ADAMTS20: variants seen among roughly 807,000 people sequenced by gnomAD.
ADAMTS20 encodes ADAM metallopeptidase with thrombospondin type 1 motif 20, also known as A disintegrin and metalloproteinase with thrombospondin motifs 20.
Under a neutral mutation model 260.1 loss-of-function variants are expected in ADAMTS20, and 225 were observed. The observed-to-expected ratio is 0.87, with a 90% confidence interval of 0.78 to 0.97. The LOEUF (loss-of-function observed/expected upper bound fraction) is 0.97. Among genes scored for constraint, ADAMTS20 ranks in the 50% least tolerant of loss-of-function variants. The probability of loss-of-function intolerance (pLI) is 0.00; values close to 1 mark genes in which losing one functional copy is unlikely to be tolerated. For missense variants in ADAMTS20, 2,400 were observed against 2,337.7 expected, an observed-to-expected ratio of 1.03 and a Z score of -0.55; for synonymous variants, 802 against 769.5, an observed-to-expected ratio of 1.04 and a Z score of -0.70.
chr12:43,449,445 G>A (rs369429225), intron 14 of ADAMTS20, among the ~76,000 whole-genome samples: 1 of 152,102 alleles, frequency 6.6e-6, no homozygotes, highest in East Asian at 1.9e-4. Context: ...GAGAACATAT[G>A]GGCACAAAGA....
At chr12:43,430,511 C>A in intron 22 of ADAMTS20, 40 bp from the exon 23 acceptor site, 2 of 1,569,568 alleles carry the variant, frequency 1.3e-6, no homozygotes, top group Non-Finnish European at 1.7e-6. Context: ...CATTGTTTCC[C>A]AAAAGTTACA....
intron 3 of ADAMTS20, among the ~76,000 whole-genome samples, chr12:43,517,004 A>G (rs1034904866): frequency 6.6e-6 from 1 of 152,094 alleles, no homozygotes; most frequent in African/African-American, 2.4e-5. Context: ...AAAGCTGGAT[A>G]AAATTCAACA....
rs781498457 is a variant in ADAMTS20, at chr12:43,425,678, A to G, written c.4120T>C (p.Cys1374Arg). 7 of 1,593,456 alleles carry G rather than the reference A, an allele frequency of 4.4e-6. No homozygotes were observed. The South Asian group carries it at 5.6e-5, about 13-fold the overall frequency. Residue 1374 changes from cysteine to arginine, a missense_variant, in exon 28 of 39, where the codon TGT becomes CGT. Transcript: ENST00000389420. The stretch of plus-strand genomic sequence containing the variant: ...AGTCTTGATTTTATTCCTCCTCCAC[A>G]TGTTTGTGAACACTAAAAACAAGAA... ...YGNWGECSQT[C>R]GGGIKSRLVI...
At chr12:43,364,254 G>A (rs1410057747) in intron 37 of ADAMTS20, among the ~76,000 whole-genome samples, 1 of 152,134 alleles carries the variant, frequency 6.6e-6, no homozygotes, top group African/African-American at 2.4e-5. Flanking sequence ...AAGGGAGGGT[G>A]AAATCAGTAA....
At chr12:43,394,623 A>G (rs1311144421) in intron 29 of ADAMTS20, among the ~76,000 whole-genome samples, 1 of 152,166 alleles carries the variant, frequency 6.6e-6, no homozygotes, top group East Asian at 1.9e-4. Context: ...TATTGACTAC[A>G]CTATTACATG....
In ADAMTS20 at chr12:43,362,527, T is replaced by C. The variant is rs117262005; in HGVS notation, c.5539-5939A>G. ...TTGCCTGCCTTTAAAAATACAATCA[T>C]GTGAGGAAACACTTCTAGAATGGTG... On this transcript the variant is annotated intron_variant, in intron 37 of 38. Transcript: ENST00000389420. 6.7e-3 allele frequency among the ~76,000 whole-genome samples: 1,026 copies of C among 152,234 alleles called. 5 individuals are homozygous for C. Among genetic ancestry groups the C allele is most frequent in the Non-Finnish European group, 0.012 (796 of 68,002 alleles).
Position 43,431,494 on chromosome 12 carries a change from G to A in ADAMTS20, c.3099C>T (p.Cys1033=), listed in dbSNP as rs766363508. The change falls in exon 22 of 39, where the codon TGC becomes TGT. Residue 1033 remains cysteine (C), a splice_region_variant and synonymous_variant. Transcript: ENST00000389420. ...PSWAASEWSE[C]LVTCGKGTKQ... ...TTGTTCCTTTACCACATGTAACAAG[G>A]CACTGTAAGAATAAAACTGATCATT... 13 of 1,613,804 alleles carry A rather than the reference G, an allele frequency of 8.1e-6. No homozygotes were observed. In the South Asian group the frequency reaches 1.3e-4, roughly 16 times the overall value.
chr12:43,452,605 A>T lies in ADAMTS20; in HGVS notation c.1851T>A (p.Phe617Leu), dbSNP rs1411962292. Residue 617 changes from phenylalanine (F) to leucine (L), a missense_variant, in exon 13 of 39, where the codon TTT becomes TTA. Transcript: ENST00000389420. ...TDSCPKGTQDFREKQCSDFNG... is the reference protein window; with the variant it reads ...TDSCPKGTQDLREKQCSDFNG... ...TAAAATCAGAGCACTGCTTCTCTCGAAAGTCTTGTGTGCCTTTTGGACATG... is the reference window on the plus strand; with the variant it reads ...TAAAATCAGAGCACTGCTTCTCTCGTAAGTCTTGTGTGCCTTTTGGACATG... The T allele has an allele frequency of 1.2e-6, 2 of 1,613,394 alleles. No individual in the cohort carries two copies. Among genetic ancestry groups the T allele is most frequent in the African/African-American group, 1.3e-5 (1 of 74,934 alleles).
chr12:43,365,818 T>C (rs1377693808), intron 37 of ADAMTS20, among the ~76,000 whole-genome samples: 1 of 151,942 alleles, frequency 6.6e-6, no homozygotes, highest in Non-Finnish European at 1.5e-5. Flanking sequence ...GAATGTTCAA[T>C]AGTAAAATGT....
chr12:43,399,475 T>C (rs1297876281), intron 28 of ADAMTS20, among the ~76,000 whole-genome samples: 2 of 152,176 alleles, frequency 1.3e-5, no homozygotes. Flanking sequence ...AAAAATGTAT[T>C]GATTGTCTAC....
intron 38 of ADAMTS20, among the ~76,000 whole-genome samples, chr12:43,355,638 G>A (rs1278919451): frequency 6.6e-6 from 1 of 151,828 alleles, no homozygotes; most frequent in African/African-American, 2.4e-5. Flanking sequence ...AGAGTATACC[G>A]GGGCTGTTGC....
intron 37 of ADAMTS20, among the ~76,000 whole-genome samples, chr12:43,365,304 C>A (rs1309373624): frequency 6.6e-6 from 1 of 151,936 alleles, no homozygotes; most frequent in Admixed American, 6.6e-5. Context: ...TAATACAAAT[C>A]AACTTAAAAA....
intron 10 of ADAMTS20, 55 bp downstream of exon 10, chr12:43,464,536 C>G: frequency 6.4e-7 from 1 of 1,569,694 alleles, no homozygotes; most frequent in Non-Finnish European, 8.7e-7. Context: ...GAAATATATT[C>G]TAAGATAACT....
chr12:43,458,934 A>G (rs1942012631), intron 11 of ADAMTS20, among the ~76,000 whole-genome samples: 1 of 152,202 alleles, frequency 6.6e-6, no homozygotes, highest in Non-Finnish European at 1.5e-5. Flanking sequence ...AGAGCTCACT[A>G]AAATGCTAAT....
intron 7 of ADAMTS20, among the ~76,000 whole-genome samples, chr12:43,483,251 C>A (rs1388441543): frequency 6.6e-6 from 1 of 152,090 alleles, no homozygotes; most frequent in Admixed American, 6.5e-5. Flanking sequence ...GCAAGATTCA[C>A]GGTAGCCTGG....
chr12:43,527,975 A>G (rs1366137896), intron 3 of ADAMTS20, among the ~76,000 whole-genome samples: 1 of 152,138 alleles, frequency 6.6e-6, no homozygotes, highest in Non-Finnish European at 1.5e-5. Flanking sequence ...GATTTAATAA[A>G]CAAATTCAGT....
intron 3 of ADAMTS20, among the ~76,000 whole-genome samples, chr12:43,525,945 T>G (rs758396899): frequency 4.6e-5 from 7 of 152,008 alleles, no homozygotes; most frequent in Non-Finnish European, 8.8e-5. Flanking sequence ...AATTCAATAC[T>G]CCACTGACAG....
Position 43,376,108 on chromosome 12 carries a change from T to C in ADAMTS20, c.5261A>G (p.Tyr1754Cys). ...TTCTTCACCTTGGACCAGTGTTAAATATTCCTTAGGGTTCTCCAAGTACAT... is the reference window on the plus strand; with the variant it reads ...TTCTTCACCTTGGACCAGTGTTAAACATTCCTTAGGGTTCTCCAAGTACAT... ...ADMYLENPKE[Y>C]LTLVQGEENF... Residue 1754 changes from tyrosine (Y) to cysteine (C), a missense_variant, in exon 35 of 39, where the codon TAT becomes TGT. Transcript: ENST00000389420. 1 of 1,610,846 alleles carries C rather than the reference T, an allele frequency of 6.2e-7. No homozygotes were observed. Among genetic ancestry groups the C allele is most frequent in the East Asian group, 2.2e-5 (1 of 44,782 alleles).
chr12:43,378,426 C>G (rs1187232755), intron 31 of ADAMTS20, among the ~76,000 whole-genome samples: 6 of 152,186 alleles, frequency 3.9e-5, no homozygotes, highest in South Asian at 2.1e-4. Context: ...AGTGCCTATT[C>G]CCTCCAGCTA....
Sources: gnomAD v4.1 joint callset for allele counts (sites outside exome capture counted in the v4.1 genomes callset) on GRCh38, gnomAD v4.1.1 for gene constraint, MANE v1.5 for transcripts, NCBI Gene and HGNC (gene_info 2026-07-23, HGNC 2026-07-21) for gene names.